SLC12A6: variants seen among roughly 807,000 people sequenced by gnomAD.
The protein encoded by SLC12A6 is solute carrier family 12 member 6.
Under a neutral mutation model 135.3 loss-of-function variants are expected in SLC12A6, and 66 were observed. That is an observed-to-expected ratio of 0.49 (90% CI 0.40 to 0.60). SLC12A6 has a LOEUF of 0.60. SLC12A6 is among the 20% of genes least tolerant of loss of function. The pLI is 0.00. For synonymous variants in SLC12A6, 513 were observed against 508.8 expected, an observed-to-expected ratio of 1.01 and a Z score of -0.11; for missense variants, 1,058 against 1,452.3, an observed-to-expected ratio of 0.73 and a Z score of 4.41.
chr15:34,283,930 T>A (rs186546271), intron 2 of SLC12A6, among the ~76,000 whole-genome samples: 1 of 152,162 alleles, frequency 6.6e-6, no homozygotes, highest in African/African-American at 2.4e-5. Context: ...TGATTTTTTT[T>A]ATGGAGACAG....
At chr15:34,322,376 C>T (rs772109262) in intron 2 of SLC12A6, among the ~76,000 whole-genome samples, 42 of 148,408 alleles carry the variant, frequency 2.8e-4, no homozygotes, top group African/African-American at 9.9e-4. Flanking sequence ...AACTCTATCT[C>T]GAAAAAAAAA....
intron 9 of SLC12A6, among the ~76,000 whole-genome samples, chr15:34,252,877 A>G (rs936572977): frequency 1.3e-5 from 2 of 152,240 alleles, no homozygotes; most frequent in African/African-American, 2.4e-5. Flanking sequence ...CCTAACATTC[A>G]TAACAAACAC....
intron 3 of SLC12A6, among the ~76,000 whole-genome samples, chr15:34,268,730 T>A (rs1893691760): frequency 6.6e-6 from 1 of 152,170 alleles, no homozygotes; most frequent in Non-Finnish European, 1.5e-5. Flanking sequence ...AAATCCATAT[T>A]CCAGGGCTCT....
chr15:34,251,815 T>C (rs1484517389), intron 10 of SLC12A6, among the ~76,000 whole-genome samples: 1 of 152,228 alleles, frequency 6.6e-6, no homozygotes, highest in South Asian at 2.1e-4. Flanking sequence ...GTTAGGAAGA[T>C]ACATGTGGAT....
At position 34,229,969 on chromosome 15, in the gene SLC12A6, C is replaced by CA; in HGVS notation, c.*3911dup. ...GACAATGTGCATATTACGACAAACA[C>CA]AAAGAAACTATACCATAACCCAAGG... On this transcript the variant is annotated 3_prime_UTR_variant, in exon 26 of 26. Coordinates refer to ENST00000354181, the MANE Select transcript of SLC12A6 (RefSeq NM_001365088.1). The CA allele has an allele frequency of 1.5e-6, 1 of 647,422 alleles. No homozygotes were observed. Among genetic ancestry groups the CA allele is most frequent in the Non-Finnish European group, 2.7e-6 (1 of 367,332 alleles). The allele number at this position is 647,422 out of a possible 1,614,324, so 40.1% of individuals were successfully genotyped here.
intron 2 of SLC12A6, among the ~76,000 whole-genome samples, chr15:34,320,071 A>G (rs1888958871): frequency 6.6e-6 from 1 of 152,208 alleles, no homozygotes; most frequent in African/African-American, 2.4e-5. Flanking sequence ...AGCCCTGTGT[A>G]ATGTCCATAT....
At chr15:34,337,032 C>G (rs77041924) in intron 1 of SLC12A6, 1 of 352,180 alleles carries the variant, frequency 2.8e-6, no homozygotes, top group Non-Finnish European at 5.4e-6. Flanking sequence ...GGTCTCAGGG[C>G]AGCAGATGAA....
intron 21 of SLC12A6, 43 bp downstream of exon 21, chr15:34,238,189 G>A: frequency 1.4e-6 from 2 of 1,392,780 alleles, no homozygotes. Context: ...AACCAGGACA[G>A]AAGGGAGAAA....
Position 34,229,821 on chromosome 15 carries a change from T to C in SLC12A6, c.*4060A>G, listed in dbSNP as rs1483284075. ...AAAGCAGCGCCTGGTCCCTATGTATTTGGGTCTTATTTACATCCTTCTTTA... is the reference window on the plus strand; with the variant it reads ...AAAGCAGCGCCTGGTCCCTATGTATCTGGGTCTTATTTACATCCTTCTTTA... On this transcript the variant is annotated 3_prime_UTR_variant, in exon 26 of 26. Transcript: ENST00000354181. The C allele has an allele frequency of 5.0e-6, 8 of 1,609,642 alleles. No homozygotes were observed. The highest frequency in any genetic ancestry group is 6.8e-6 in the Non-Finnish European group (8 of 1,175,938).
rs375879691 is a variant in SLC12A6 at position 34,254,333 on chromosome 15, G to C, written c.1118+15C>G. The stretch of plus-strand genomic sequence containing the variant: ...TACCCAATAAGGATGGCTAGGCAGA[G>C]AGACAGACACGTACGGGAAGTGTGG... On this transcript the variant is annotated intron_variant, in intron 9 of 25. Transcript: ENST00000354181. 3.1e-6 allele frequency: 5 copies of C among 1,611,446 alleles called. No individual in the cohort carries two copies. In the African/African-American group the frequency reaches 4.0e-5, roughly 13 times the overall value.
chr15:34,313,138 C>T (rs1045955273), intron 2 of SLC12A6, among the ~76,000 whole-genome samples: 4 of 152,200 alleles, frequency 2.6e-5, no homozygotes, highest in Admixed American at 2.6e-4. Context: ...CACTTTCAAT[C>T]AAAAGCTTGA....
chr15:34,319,382 T>C (rs1401607078), intron 2 of SLC12A6, among the ~76,000 whole-genome samples: 2 of 151,790 alleles, frequency 1.3e-5, no homozygotes, highest in African/African-American at 4.8e-5. Context: ...CCTCAGATGA[T>C]TTGCCCACCT....
intron 4 of SLC12A6, among the ~76,000 whole-genome samples, chr15:34,260,509 C>A (rs550920650): frequency 2.8e-4 from 43 of 152,316 alleles, no homozygotes; most frequent in African/African-American, 1.0e-3. Context: ...CCACCCGCCT[C>A]GGCCTCCCAA....
intron 2 of SLC12A6, among the ~76,000 whole-genome samples, chr15:34,323,857 C>T (rs1000570770): frequency 1.3e-5 from 2 of 150,262 alleles, no homozygotes; most frequent in Non-Finnish European, 2.9e-5. Context: ...AGGAGGATTG[C>T]TTGAGCCTGG....
intron 2 of SLC12A6, among the ~76,000 whole-genome samples, chr15:34,305,342 T>C (rs1296808445): frequency 6.6e-6 from 1 of 152,136 alleles, no homozygotes; most frequent in Non-Finnish European, 1.5e-5. Flanking sequence ...GTATTAGCCA[T>C]GTTAGGTGTC....
At chr15:34,335,067 C>G (rs1275351445) in intron 2 of SLC12A6, among the ~76,000 whole-genome samples, 1 of 152,108 alleles carries the variant, frequency 6.6e-6, no homozygotes, top group Admixed American at 6.5e-5. Context: ...AACCTAAATA[C>G]AGCATGATGG....
intron 2 of SLC12A6, among the ~76,000 whole-genome samples, chr15:34,298,135 T>C (rs905610237): frequency 6.6e-6 from 1 of 152,070 alleles, no homozygotes; most frequent in Non-Finnish European, 1.5e-5. Flanking sequence ...AATACACAAT[T>C]ATGAAACAAT....
intron 9 of SLC12A6, among the ~76,000 whole-genome samples, chr15:34,253,718 A>G (rs1892548831): frequency 6.6e-6 from 1 of 152,264 alleles, no homozygotes; most frequent in Admixed American, 6.5e-5. Context: ...TTCTGTAACA[A>G]GACTACAAAT....
In SLC12A6 at chr15:34,337,627, C is replaced by G. The variant is rs28522440; in HGVS notation, c.-368G>C. On this transcript the variant is annotated 5_prime_UTR_variant, in exon 1 of 26. Coordinates refer to ENST00000354181, the MANE Select transcript of SLC12A6 (RefSeq NM_001365088.1). Reference sequence around the variant, plus strand: ...CCCGCCCCGGCGCAGGTCACCCCCTCGTCGTTCTTCCTCAGGGTCCCAGTA... The same window carrying G: ...CCCGCCCCGGCGCAGGTCACCCCCTGGTCGTTCTTCCTCAGGGTCCCAGTA... 3 of 152,490 alleles carry G rather than the reference C, an allele frequency of 2.0e-5. No individual in the cohort carries two copies. The highest frequency in any genetic ancestry group is 6.5e-5 in the Admixed American group (1 of 15,300). 9.4% of individuals were successfully genotyped at this position (152,490 alleles called of 1,614,324 possible). A position where few individuals can be genotyped will look rare whatever the true frequency, so the allele number is the denominator to read the frequency against.
Sources: allele counts gnomAD v4.1 joint callset (sites outside exome capture counted in the v4.1 genomes callset), GRCh38; gene constraint gnomAD v4.1.1; transcripts MANE v1.5; gene names NCBI Gene and HGNC (gene_info 2026-07-23, HGNC 2026-07-21).